Variants in POF1B observed in about 807,000 individuals in gnomAD.
The protein encoded by POF1B is POF1B actin binding protein, also known as protein POF1B.
Under a neutral mutation model 55.3 loss-of-function variants are expected in POF1B, and 53 were observed. That is an observed-to-expected ratio of 0.96 (90% CI 0.77 to 1.20). The LOEUF is 1.20. Among genes scored for constraint, POF1B ranks in the 50% most tolerant of loss-of-function variants. POF1B has a pLI of 0.00. For missense variants in POF1B, 478 were observed against 420.5 expected, an observed-to-expected ratio of 1.14 and a Z score of -1.20; for synonymous variants, 188 against 148.3, an observed-to-expected ratio of 1.27 and a Z score of -1.95.
chrX:85,331,882 T>C (rs762316812), intron 6 of POF1B, among the ~76,000 whole-genome samples: 22 of 111,812 alleles, frequency 2.0e-4, no homozygotes, highest in Non-Finnish European at 4.0e-4. Flanking sequence ...TCAGTTTACA[T>C]AATGTCCTCC....
intron 7 of POF1B, among the ~76,000 whole-genome samples, chrX:85,321,667 A>C (rs1932839069): frequency 9.7e-6 from 1 of 102,990 alleles, no homozygotes; most frequent in Non-Finnish European, 2.0e-5. Context: ...CTGTTTGCAG[A>C]CGACATGATT....
chrX:85,361,955 C>CGTGTGTGTGTGTGT (rs3049233), intron 3 of POF1B, among the ~76,000 whole-genome samples: 1 of 94,260 alleles, frequency 1.1e-5, no homozygotes, highest in Non-Finnish European at 2.2e-5. Context: ...CTAGGTATTT[C>CGTGTGTGTGTGTGT]GTGTGTGTGT....
intron 2 of POF1B, among the ~76,000 whole-genome samples, chrX:85,374,392 A>G (rs2147954429): frequency 8.9e-6 from 1 of 111,964 alleles, no homozygotes; most frequent in African/African-American, 3.2e-5. Context: ...AGAGCTCAAA[A>G]GCCTGGTGTA....
At chrX:85,364,801 C>T (rs1933688241) in intron 3 of POF1B, among the ~76,000 whole-genome samples, 1 of 112,052 alleles carries the variant, frequency 8.9e-6, no homozygotes, top group African/African-American at 3.2e-5. Context: ...GCCTCTCTAG[C>T]AAGGCTAGGG....
At chrX:85,300,546 A>G (rs1932422646) in intron 15 of POF1B, among the ~76,000 whole-genome samples, 1 of 112,493 alleles carries the variant, frequency 8.9e-6, no homozygotes. Flanking sequence ...TAACATCAAC[A>G]GCAAATAATA....
At chrX:85,315,758 C>T (rs1277701230) in intron 7 of POF1B, 24 bp from the exon 8 acceptor site, 5 of 1,148,942 alleles carry the variant, frequency 4.4e-6, no homozygotes, top group Non-Finnish European at 5.8e-6. Flanking sequence ...AAAAAAGATA[C>T]ACAACTTTAG....
At chrX:85,352,024 T>A (rs968757758) in intron 4 of POF1B, among the ~76,000 whole-genome samples, 5 of 110,404 alleles carry the variant, frequency 4.5e-5, no homozygotes, top group Non-Finnish European at 9.5e-5. Flanking sequence ...AAGAGCAGAG[T>A]AGAGGCTTTA....
chrX:85,363,996 T>C (rs983832005), intron 3 of POF1B, among the ~76,000 whole-genome samples: 3 of 112,207 alleles, frequency 2.7e-5, no homozygotes, highest in East Asian at 2.8e-4. Flanking sequence ...TTTACTATTA[T>C]GTAATGCCCT....
chrX:85,339,668 G>A (rs1297903109), intron 6 of POF1B, among the ~76,000 whole-genome samples: 1 of 110,709 alleles, frequency 9.0e-6, no homozygotes, highest in Non-Finnish European at 1.9e-5. Flanking sequence ...TGAGAATATA[G>A]CATCTGAGAG....
intron 4 of POF1B, among the ~76,000 whole-genome samples, chrX:85,353,815 T>C (rs1933434328): frequency 9.0e-6 from 1 of 111,148 alleles, no homozygotes; most frequent in Admixed American, 9.6e-5. Flanking sequence ...GAAGAGCAAA[T>C]ACAGAACTAG....
At chrX:85,365,289 T>G in intron 3 of POF1B, among the ~76,000 whole-genome samples, 1 of 112,259 alleles carries the variant, frequency 8.9e-6, no homozygotes, top group Admixed American at 9.4e-5. Context: ...AGAACCCTTG[T>G]TGAAGAACAA....
At chrX:85,293,106 A>T (rs964325159) in intron 15 of POF1B, among the ~76,000 whole-genome samples, 1 of 111,930 alleles carries the variant, frequency 8.9e-6, no homozygotes. Flanking sequence ...GCCATTATGA[A>T]AGTGTGGCAA....
intron 6 of POF1B, among the ~76,000 whole-genome samples, chrX:85,340,662 C>G (rs899554263): frequency 2.7e-5 from 3 of 110,412 alleles, no homozygotes; most frequent in Non-Finnish European, 3.8e-5. Flanking sequence ...ATTCTAGATT[C>G]AGTAGGAAGT....
At chrX:85,323,613 T>A (rs1481939987) in intron 7 of POF1B, among the ~76,000 whole-genome samples, 1 of 104,760 alleles carries the variant, frequency 9.5e-6, no homozygotes, top group African/African-American at 3.3e-5. Context: ...AAATAAAAAA[T>A]AAAAAAATAA....
intron 6 of POF1B, among the ~76,000 whole-genome samples, chrX:85,336,040 ACT>A (rs1344709147): frequency 9.2e-6 from 1 of 108,838 alleles, no homozygotes; most frequent in Non-Finnish European, 1.9e-5. Flanking sequence ...ACCATACTCT[ACT>A]CTCTATCTCC....
At chrX:85,314,653 AT>A (rs1932768031) in intron 8 of POF1B, 147 bp from the exon 9 acceptor site, 1 of 319,778 alleles carries the variant, frequency 3.1e-6, no homozygotes, top group African/African-American at 2.7e-5. Flanking sequence ...AGTTTAATTT[AT>A]AGCCTTATCA....
chrX:85,379,146 A>G, intron 2 of POF1B, 27 bp downstream of exon 2: 1 of 1,195,516 alleles, frequency 8.4e-7, no homozygotes, highest in Non-Finnish European at 1.1e-6. Flanking sequence ...TTTCTCCACT[A>G]GTCTGGCATA....
intron 15 of POF1B, among the ~76,000 whole-genome samples, chrX:85,283,765 G>C (rs998373895): frequency 2.7e-5 from 3 of 110,410 alleles, no homozygotes; most frequent in Non-Finnish European, 3.8e-5. Context: ...TCAAATTCTT[G>C]AAAACCAGTG....
chrX:85,332,803 C>T (rs1270203239), intron 6 of POF1B, among the ~76,000 whole-genome samples: 1 of 110,939 alleles, frequency 9.0e-6, no homozygotes, highest in East Asian at 2.8e-4. Flanking sequence ...GATGAATATA[C>T]CACAATGTTA....
Sources: gnomAD v4.1 joint callset for allele counts (sites outside exome capture counted in the v4.1 genomes callset) on GRCh38, gnomAD v4.1.1 for gene constraint, MANE v1.5 for transcripts, NCBI Gene and HGNC (gene_info 2026-07-23, HGNC 2026-07-21) for gene names.